PALM2AKAP2: variants seen among roughly 807,000 people sequenced by gnomAD.
PALM2AKAP2 encodes the protein PALM2 and AKAP2 fusion, also known as PALM2-AKAP2 fusion protein.
In PALM2AKAP2, 37 loss-of-function variants were observed where a neutral mutation model predicts 71.5. That is an observed-to-expected ratio of 0.52 (90% CI 0.40 to 0.68). The LOEUF (loss-of-function observed/expected upper bound fraction) is 0.68. Ranked by LOEUF, PALM2AKAP2 falls within the 30% of genes least tolerant of loss-of-function variation. The pLI, the probability that PALM2AKAP2 is intolerant of heterozygous loss-of-function variation, is 0.00. For missense variants in PALM2AKAP2, 1,224 were observed against 1,191.8 expected, an observed-to-expected ratio of 1.03 and a Z score of -0.40; for synonymous variants, 468 against 478.8, an observed-to-expected ratio of 0.98 and a Z score of 0.29.
At chr9:109,784,841 T>C (rs1024381796) in intron 1 of PALM2AKAP2, among the ~76,000 whole-genome samples, 1 of 152,242 alleles carries the variant, frequency 6.6e-6, no homozygotes, top group Non-Finnish European at 1.5e-5. Context: ...GCAGCCTGAG[T>C]GTGAGCCACA....
chr9:110,000,860 G>T (rs953446510), intron 6 of PALM2AKAP2, among the ~76,000 whole-genome samples: 3 of 152,154 alleles, frequency 2.0e-5, no homozygotes, highest in Non-Finnish European at 2.9e-5. Flanking sequence ...TGATGGGGTT[G>T]TTTGTTTCTT....
chr9:109,843,530 T>C (rs1321091826), intron 1 of PALM2AKAP2, among the ~76,000 whole-genome samples: 12 of 152,172 alleles, frequency 7.9e-5, no homozygotes, highest in Admixed American at 7.9e-4. Flanking sequence ...TATATATATA[T>C]ACACACATGG....
At chr9:109,794,637 A>G (rs1275240624) in intron 1 of PALM2AKAP2, among the ~76,000 whole-genome samples, 1 of 152,138 alleles carries the variant, frequency 6.6e-6, no homozygotes, top group Non-Finnish European at 1.5e-5. Flanking sequence ...CCACTAGGTA[A>G]AAGTTGCCCA....
At chr9:110,167,134 C>T (rs1836755549) in intron 3 of PALM2AKAP2, among the ~76,000 whole-genome samples, 1 of 152,144 alleles carries the variant, frequency 6.6e-6, no homozygotes, top group South Asian at 2.1e-4. Flanking sequence ...GGAAAACTCG[C>T]TCCCACATTG....
intron 1 of PALM2AKAP2, among the ~76,000 whole-genome samples, chr9:109,654,082 A>T (rs1318825238): frequency 6.6e-6 from 1 of 152,226 alleles, no homozygotes; most frequent in Non-Finnish European, 1.5e-5. Context: ...GTGGTCATAA[A>T]TAATTTATAT....
At chr9:109,972,460 T>G (rs1390674788) in intron 6 of PALM2AKAP2, among the ~76,000 whole-genome samples, 1 of 152,184 alleles carries the variant, frequency 6.6e-6, no homozygotes, top group Non-Finnish European at 1.5e-5. Context: ...GTTTTGTGGA[T>G]GAACGTGGGA....
chr9:110,123,720 G>A (rs1211507244), intron 1 of PALM2AKAP2, among the ~76,000 whole-genome samples: 1 of 152,224 alleles, frequency 6.6e-6, no homozygotes, highest in East Asian at 1.9e-4. Context: ...CTTGTGAATA[G>A]GGCAGATTTA....
At position 109,880,995 on chromosome 9, in the gene PALM2AKAP2, C is replaced by G. The variant is rs113802095; in HGVS notation, c.257+314C>G. Reference sequence around the variant, plus strand: ...TTATTTCACCACCCAGGTATTAAGCCTAGTACCCGTTAGTTATTTTTCCTG... The same window carrying G: ...TTATTTCACCACCCAGGTATTAAGCGTAGTACCCGTTAGTTATTTTTCCTG... On this transcript the variant is annotated intron_variant, in intron 3 of 9. Transcript: ENST00000302798. Among the ~76,000 whole-genome samples, 1,196 of 152,222 alleles carry G rather than the reference C, an allele frequency of 7.9e-3. 14 individuals are homozygous for G. The highest frequency in any genetic ancestry group is 0.028 in the African/African-American group (1,153 of 41,498).
At chr9:109,711,368 C>T (rs901289931) in intron 1 of PALM2AKAP2, among the ~76,000 whole-genome samples, 2 of 152,008 alleles carry the variant, frequency 1.3e-5, no homozygotes, top group Non-Finnish European at 2.9e-5. Context: ...TTCATAAAAC[C>T]CTCATGAATC....
At chr9:109,647,115 T>TTATA (rs139881091) in intron 1 of PALM2AKAP2, among the ~76,000 whole-genome samples, 13,382 of 150,852 alleles carry the variant, frequency 0.089, 742 homozygotes, top group South Asian at 0.2. Flanking sequence ...TTGGAAACAC[T>TTATA]TATATATATA....
chr9:109,755,504 A>G (rs754500117), intron 1 of PALM2AKAP2, among the ~76,000 whole-genome samples: 4 of 151,886 alleles, frequency 2.6e-5, no homozygotes, highest in Admixed American at 6.6e-5. Flanking sequence ...TTTCCTGACA[A>G]CTCTATTGAA....
intron 5 of PALM2AKAP2, 133 bp downstream of exon 5, chr9:109,925,215 T>A: frequency 7.2e-7 from 1 of 1,379,866 alleles, no homozygotes; most frequent in East Asian, 2.4e-5. Flanking sequence ...CAGCGCTGGT[T>A]GCAGGCCACT....
intron 2 of PALM2AKAP2, among the ~76,000 whole-genome samples, chr9:110,154,749 C>A (rs995183810): frequency 3.9e-4 from 60 of 152,064 alleles, no homozygotes; most frequent in African/African-American, 1.3e-3. Flanking sequence ...AAATGCAGTG[C>A]CCTTTTCTGT....
intron 2 of PALM2AKAP2, among the ~76,000 whole-genome samples, chr9:109,868,134 A>G (rs1829506346): frequency 6.6e-6 from 1 of 152,166 alleles, no homozygotes; most frequent in Admixed American, 6.5e-5. Context: ...TTGGTCAAAG[A>G]TGGCTTTGAA....
intron 1 of PALM2AKAP2, among the ~76,000 whole-genome samples, chr9:109,691,872 A>G (rs1827895577): frequency 4.1e-5 from 2 of 48,708 alleles, no homozygotes; most frequent in Non-Finnish European, 8.1e-5. Context: ...ATATATACAC[A>G]CACACACACA....
chr9:110,056,179 G>A (rs898630332), intron 1 of PALM2AKAP2, among the ~76,000 whole-genome samples: 1 of 152,162 alleles, frequency 6.6e-6, no homozygotes, highest in Non-Finnish European at 1.5e-5. Context: ...GTGTGTAGAA[G>A]GTGTGAGGAA....
intron 1 of PALM2AKAP2, among the ~76,000 whole-genome samples, chr9:109,752,481 A>G (rs1339986325): frequency 6.6e-6 from 1 of 152,130 alleles, no homozygotes; most frequent in African/African-American, 2.4e-5. Flanking sequence ...GACATGGGAA[A>G]AGAGAAAGAG....
intron 6 of PALM2AKAP2, among the ~76,000 whole-genome samples, chr9:109,957,016 C>T (rs1831758658): frequency 6.6e-6 from 1 of 152,214 alleles, no homozygotes; most frequent in African/African-American, 2.4e-5. Flanking sequence ...GATTCAGACC[C>T]AGGCAGGGTG....
intron 7 of PALM2AKAP2, among the ~76,000 whole-genome samples, chr9:110,019,244 A>T (rs1030115981): frequency 6.6e-6 from 1 of 151,224 alleles, no homozygotes; most frequent in African/African-American, 2.4e-5. Flanking sequence ...GTCTCAAAAA[A>T]AAAAAAAAAA....
Sources: gnomAD v4.1 joint callset for allele counts (sites outside exome capture counted in the v4.1 genomes callset) on GRCh38, gnomAD v4.1.1 for gene constraint, MANE v1.5 for transcripts, NCBI Gene and HGNC (gene_info 2026-07-23, HGNC 2026-07-21) for gene names.